Variants in BRSK1 observed in about 807,000 individuals in gnomAD.
BRSK1 encodes serine/threonine-protein kinase BRSK1.
Under a neutral mutation model 86.2 loss-of-function variants are expected in BRSK1, and 17 were observed. The observed-to-expected ratio is 0.20, with a 90% CI of 0.14 to 0.30. BRSK1 has a LOEUF of 0.30. Ranked by LOEUF, BRSK1 falls within the 10% of genes least tolerant of loss-of-function variation. The probability of loss-of-function intolerance (pLI) is 1.00; values close to 1 mark genes in which losing one functional copy is unlikely to be tolerated. For missense variants in BRSK1, 719 were observed against 1,071.9 expected, an observed-to-expected ratio of 0.67 and a Z score of 4.60; for synonymous variants, 464 against 440.1, an observed-to-expected ratio of 1.05 and a Z score of -0.68.
At chr19:55,311,873 G>A (rs1249699574) in intron 18 of BRSK1, 38 bp from the exon 19 acceptor site, 5 of 1,604,580 alleles carry the variant, frequency 3.1e-6, no homozygotes, top group Non-Finnish European at 4.3e-6. Context: ...CCAACCCTGG[G>A]CTGCGGAACC....
chr19:55,311,208 T>C (rs1365870346), intron 18 of BRSK1, among the ~76,000 whole-genome samples: 1 of 152,150 alleles, frequency 6.6e-6, no homozygotes, highest in African/African-American at 2.4e-5. Context: ...GTGATCTGCC[T>C]GCCTCAGCCT....
In BRSK1 at chr19:55,304,025, T is replaced by A. The variant is rs1393975141; in HGVS notation, c.1287-25T>A. ...TTGAAACCCTCCCATCTGATTTTTT[T>A]TTTTTAAATCTATCCTGGAAACAGA... On this transcript the variant is annotated intron_variant, in intron 12 of 18. Coordinates refer to ENST00000309383, the MANE Select transcript of BRSK1 (RefSeq NM_032430.2). This position sits in a 1 kb window ranked among gnomAD's most constrained non-coding sequence, Gnocchi z 5.2. The A allele has an allele frequency of 1.3e-6, 2 of 1,588,718 alleles. No homozygotes were observed. Among genetic ancestry groups the A allele is most frequent in the Non-Finnish European group, 1.7e-6 (2 of 1,170,560 alleles).
In BRSK1 at chr19:55,304,771, C is replaced by T. The variant is rs1215335381; in HGVS notation, c.1568C>T (p.Thr523Met). ...ACCCCCTTGCACTCGCCTCTGCACA[C>T]GCCCCGGGCCAGTCCCACCGGGACC... is the stretch of plus-strand genomic sequence containing the variant. ...GGTPLHSPLH[T>M]PRASPTGTPG... The change falls in exon 14 of 19, where the codon ACG (threonine) becomes ATG (methionine). Residue 523 changes from threonine to methionine, a missense_variant. By Grantham distance (81) the Thr-to-Met change is moderately conservative (BLOSUM62 -1). This residue lies in a region of BRSK1 where 143 missense variants were observed against 120.1 expected (regional missense o/e 1.19). Coordinates refer to ENST00000309383, the MANE Select transcript of BRSK1 (RefSeq NM_032430.2). This position sits in a 1 kb window ranked among gnomAD's most constrained non-coding sequence, Gnocchi z 5.2. The T allele has an allele frequency of 1.3e-6, 2 of 1,548,718 alleles. No individual in the cohort carries two copies. Among genetic ancestry groups the T allele is most frequent in the Non-Finnish European group, 8.7e-7 (1 of 1,151,710 alleles).
At chr19:55,298,415 G>C (rs1219908637) in intron 7 of BRSK1, among the ~76,000 whole-genome samples, 4 of 151,528 alleles carry the variant, frequency 2.6e-5, no homozygotes, top group Non-Finnish European at 4.4e-5. Context: ...CAAGTGATCT[G>C]CCCACCTCAG....
At position 55,310,626 on chromosome 19, in the gene BRSK1, C is replaced by T. The variant is rs2088765400; in HGVS notation, c.2180-1285C>T. 6.6e-6 allele frequency among the ~76,000 whole-genome samples: 1 copy of T among 152,176 alleles called. No homozygotes were observed. The highest frequency in any genetic ancestry group is 2.4e-5 in the African/African-American group (1 of 41,432). ...GGGGAAAACAGGGGGATGCCAATGG[C>T]CTCTTGTAGGTGGAGGCCAGGGATG... is the stretch of plus-strand genomic sequence containing the variant. On this transcript the variant is annotated intron_variant, in intron 18 of 18. Coordinates refer to ENST00000309383, the MANE Select transcript of BRSK1 (RefSeq NM_032430.2). The surrounding 1 kb of genome is among the most constrained non-coding windows in gnomAD (Gnocchi z 5.0).
chr19:55,311,026 TCTCAGCTCACTGCAAC>T (rs1329608953), intron 18 of BRSK1, among the ~76,000 whole-genome samples: 1 of 152,124 alleles, frequency 6.6e-6, no homozygotes, highest in South Asian at 2.1e-4. Context: ...AGTGGCGCGA[TCTCAGCTCACTGCAAC>T]TTCCACCTCC....
At position 55,311,953 on chromosome 19, in the gene BRSK1, C is replaced by T. The variant is rs766658785; in HGVS notation, c.2222C>T (p.Pro741Leu). ...CAGACCCGGCCTGCTGGTGCCCCAC[C>T]CCGAAGCCTGCAGCCCCCACCCGGC... ...GAQTRPAGAP[P>L]RSLQPPPGRP... The change falls in exon 19 of 19, where the codon CCC becomes CTC. Residue 741 changes from proline (P) to leucine (L), a missense_variant. Pro to Leu is a moderately conservative substitution (Grantham distance 98, BLOSUM62 -3). Transcript: ENST00000309383. 1 of 1,609,928 alleles carries T rather than the reference C, an allele frequency of 6.2e-7. No individual in the cohort carries two copies. Among genetic ancestry groups the T allele is most frequent in the Non-Finnish European group, 8.5e-7 (1 of 1,178,454 alleles).
rs776591417 is a variant in BRSK1, at chr19:55,301,668, G to C, written c.825+10G>C. On this transcript the variant is annotated intron_variant, in intron 8 of 18. Coordinates refer to ENST00000309383, the MANE Select transcript of BRSK1 (RefSeq NM_032430.2). ...CGAAAAAAGGCTCAGTGTGAGTTGA[G>C]GGGGGGACCGGCGGAGGGGGGAACA... 3.1e-6 allele frequency: 5 copies of C among 1,609,250 alleles called. No individual in the cohort carries two copies. The highest frequency in any genetic ancestry group is 2.2e-5 in the East Asian group (1 of 44,746).
chr19:55,291,449 T>C (rs2088404698), intron 4 of BRSK1, among the ~76,000 whole-genome samples: 1 of 152,076 alleles, frequency 6.6e-6, no homozygotes, highest in Admixed American at 6.6e-5. Flanking sequence ...GAAGCTGTGG[T>C]AGGAGGATTG....
chr19:55,285,625 T>A (rs1600167224), intron 1 of BRSK1, among the ~76,000 whole-genome samples: 1 of 151,956 alleles, frequency 6.6e-6, no homozygotes, highest in Non-Finnish European at 1.5e-5. Context: ...GGTGGGAAGG[T>A]GGGCTGCAGC....
chr19:55,307,829 C>T (rs1209794114), intron 17 of BRSK1, among the ~76,000 whole-genome samples: 1 of 148,792 alleles, frequency 6.7e-6, no homozygotes, highest in Non-Finnish European at 1.5e-5. Flanking sequence ...TGGCATGCAC[C>T]TGTAGTCCCA....
Position 55,308,735 on chromosome 19 carries a change from G to GGC in BRSK1, c.2179+8_2179+9insCG. Reference sequence around the variant, plus strand: ...TCCGTGCAGGCCCTGGCAGGTGGGTGGTGGGGCCGTGGGTGGTGGGGGGCG... The same window carrying GGC: ...TCCGTGCAGGCCCTGGCAGGTGGGTGGCGTGGGGCCGTGGGTGGTGGGGGGCG... On this transcript the variant is annotated splice_region_variant and intron_variant, in intron 18 of 18. Coordinates refer to ENST00000309383, the MANE Select transcript of BRSK1 (RefSeq NM_032430.2). The GGC allele has an allele frequency of 6.5e-7, 1 of 1,540,076 alleles. No individual in the cohort carries two copies. Among genetic ancestry groups the GGC allele is most frequent in the Non-Finnish European group, 8.8e-7 (1 of 1,142,276 alleles).
rs1372991763 is a variant in BRSK1 at position 55,304,953 on chromosome 19, G to A, written c.1717+33G>A. The A allele has an allele frequency of 2.5e-6, 4 of 1,598,908 alleles. No homozygotes were observed. In the African/African-American group the frequency reaches 4.0e-5, roughly 16 times the overall value. Reference sequence around the variant, plus strand: ...GGCATGAACTGCCGAGTCCTAATGTGGGGAGAGGTTGGGGCTAAAAATCTG... The same window carrying A: ...GGCATGAACTGCCGAGTCCTAATGTAGGGAGAGGTTGGGGCTAAAAATCTG... On this transcript the variant is annotated intron_variant, in intron 14 of 18. Transcript: ENST00000309383. The surrounding 1 kb of genome is among the most constrained non-coding windows in gnomAD (Gnocchi z 5.2).
In BRSK1 at chr19:55,312,533, CAAAAAA is replaced by C. The variant is rs372052269; in HGVS notation, c.*489_*494del. 0.013 allele frequency: 326 copies of C among 25,674 alleles called. No individual in the cohort carries two copies. The highest frequency in any genetic ancestry group is 0.016 in the Admixed American group (24 of 1,456). The allele number at this position is 25,674 out of a possible 1,614,324, so 1.6% of individuals were successfully genotyped here. A position where few individuals can be genotyped will look rare whatever the true frequency, so the allele number is the denominator to read the frequency against. ...TCCGTGTCTCTGATTCCGCCGGCGG[CAAAAAA>C]AAAAAAAAAAAAAAAAAAAAAAAGA... On this transcript the variant is annotated 3_prime_UTR_variant, in exon 19 of 19. Coordinates refer to ENST00000309383, the MANE Select transcript of BRSK1 (RefSeq NM_032430.2).
chr19:55,285,845 A>G (rs1477556121), intron 1 of BRSK1, among the ~76,000 whole-genome samples: 1 of 152,040 alleles, frequency 6.6e-6, no homozygotes, highest in African/African-American at 2.4e-5. Flanking sequence ...GACCCTAGGG[A>G]AAAGGAGAGG....
Position 55,308,638 on chromosome 19 carries a change from G to C in BRSK1, c.2090-1G>C, listed in dbSNP as rs1230014367. ...GTTTTTCTGCCCGCCTGTGCCTCTAGGTCCCAGCCGTCGGTTCAAGCGAGT... is the reference window on the plus strand; with the variant it reads ...GTTTTTCTGCCCGCCTGTGCCTCTACGTCCCAGCCGTCGGTTCAAGCGAGT... On this transcript the variant is annotated splice_acceptor_variant, in intron 17 of 18. Coordinates refer to ENST00000309383, the MANE Select transcript of BRSK1 (RefSeq NM_032430.2). LOFTEE classifies it high-confidence loss of function. The C allele has an allele frequency of 6.2e-7, 1 of 1,610,598 alleles. No homozygotes were observed. Among genetic ancestry groups the C allele is most frequent in the African/African-American group, 1.3e-5 (1 of 74,198 alleles).
At position 55,306,497 on chromosome 19, in the gene BRSK1, C is replaced by G. The variant is rs765367621; in HGVS notation, c.2089+47C>G. The G allele has an allele frequency of 5.6e-6, 9 of 1,596,838 alleles. No homozygotes were observed. The highest frequency in any genetic ancestry group is 7.7e-6 in the Non-Finnish European group (9 of 1,172,544). Reference sequence around the variant, plus strand: ...CCTGCAGCCCAGTGCTGGGACTGTTCACGACAGCTGAGACAGTGTAGGGGC... The same window carrying G: ...CCTGCAGCCCAGTGCTGGGACTGTTGACGACAGCTGAGACAGTGTAGGGGC... On this transcript the variant is annotated intron_variant, in intron 17 of 18. Coordinates refer to ENST00000309383, the MANE Select transcript of BRSK1 (RefSeq NM_032430.2). This position sits in a 1 kb window ranked among gnomAD's most constrained non-coding sequence, Gnocchi z 4.7.
At position 55,303,894 on chromosome 19, in the gene BRSK1, A is replaced by G; in HGVS notation, c.1286+68A>G. On this transcript the variant is annotated intron_variant, in intron 12 of 18. Coordinates refer to ENST00000309383, the MANE Select transcript of BRSK1 (RefSeq NM_032430.2). This position sits in a 1 kb window ranked among gnomAD's most constrained non-coding sequence, Gnocchi z 5.1. ...TCTAGGAGTTCAAGATTCTAACCCCAGCTCTACCTCAAATGTGCTGTGTCC... is the reference window on the plus strand; with the variant it reads ...TCTAGGAGTTCAAGATTCTAACCCCGGCTCTACCTCAAATGTGCTGTGTCC... 6.5e-7 allele frequency: 1 copy of G among 1,528,028 alleles called. No homozygotes were observed. Among genetic ancestry groups the G allele is most frequent in the East Asian group, 2.3e-5 (1 of 44,208 alleles). The allele number at this position is 1,528,028 out of a possible 1,614,324, so 94.7% of individuals were successfully genotyped here.
intron 17 of BRSK1, 133 bp from the exon 18 acceptor site, chr19:55,308,506 C>T: frequency 2.9e-6 from 2 of 694,398 alleles, no homozygotes; most frequent in South Asian, 2.9e-5. Flanking sequence ...GATGTGGCCC[C>T]AGCGGAGCAG....
Sources: gnomAD v4.1 joint callset for allele counts (sites outside exome capture counted in the v4.1 genomes callset) on GRCh38, gnomAD v4.1.1 for gene constraint, gnomAD v4.1.1 regional missense constraint, Gnocchi (gnomAD v3.1) non-coding constraint, MANE v1.5 for transcripts, NCBI Gene and HGNC (gene_info 2026-07-23, HGNC 2026-07-21) for gene names.